The following HDAC4 variants were observed in gnomAD, a reference collection of about 807,000 sequenced individuals.
HDAC4 encodes the protein histone deacetylase A.
In HDAC4, 16 loss-of-function variants were observed where a neutral mutation model predicts 135.1. The ratio of observed to expected loss-of-function variants is 0.12; its 90% CI spans 0.08 to 0.18. The LOEUF is 0.18. HDAC4 is among the 10% of genes least tolerant of loss of function. The pLI, the probability that HDAC4 is intolerant of heterozygous loss-of-function variation, is 1.00. For missense variants in HDAC4, 1,143 were observed against 1,511.8 expected (o/e 0.76, Z 4.05); for synonymous variants, 685 against 653.4 (o/e 1.05, Z -0.74).
chr2:239,123,277 C>G (rs893065934), intron 12 of HDAC4, among the ~76,000 whole-genome samples: 1 of 152,230 alleles, frequency 6.6e-6, no homozygotes, highest in Non-Finnish European at 1.5e-5. Context: ...CTGGCAGGCG[C>G]CCGACACGCC....
intron 12 of HDAC4, among the ~76,000 whole-genome samples, chr2:239,117,082 G>A (rs1441110574): frequency 1.3e-5 from 2 of 152,224 alleles, no homozygotes; most frequent in African/African-American, 4.8e-5. Flanking sequence ...AAAGGATGGG[G>A]CAAATGCAAG....
At chr2:239,127,710 C>A (rs988696778) in intron 11 of HDAC4, among the ~76,000 whole-genome samples, 8 of 152,226 alleles carry the variant, frequency 5.3e-5, no homozygotes, top group African/African-American at 1.9e-4. Flanking sequence ...CTTTGGAACT[C>A]GGCATCCGCC....
At chr2:239,270,134 C>G (rs2049978007) in intron 2 of HDAC4, among the ~76,000 whole-genome samples, 1 of 152,232 alleles carries the variant, frequency 6.6e-6, no homozygotes, top group Non-Finnish European at 1.5e-5. Flanking sequence ...ACTCCCACGG[C>G]AGCAGGTAAG....
intron 7 of HDAC4, among the ~76,000 whole-genome samples, chr2:239,149,104 A>G (rs1392326866): frequency 6.6e-6 from 1 of 152,176 alleles, no homozygotes; most frequent in African/African-American, 2.4e-5. Context: ...TTCGGTGAAA[A>G]TAAAAAGATA....
intron 15 of HDAC4, 43 bp from the exon 16 acceptor site, chr2:239,102,939 C>T: frequency 1.2e-6 from 2 of 1,612,984 alleles, no homozygotes; most frequent in Non-Finnish European, 1.7e-6. Context: ...TCTGCAGAAG[C>T]TGCTGCTTCA....
chr2:239,374,853 T>C (rs1452205403), intron 1 of HDAC4, among the ~76,000 whole-genome samples: 3 of 152,072 alleles, frequency 2.0e-5, no homozygotes, highest in Non-Finnish European at 4.4e-5. Flanking sequence ...TGGCCACAGG[T>C]CCTGTCAGCT....
At chr2:239,155,629 A>G (rs905420297) in intron 7 of HDAC4, 2 of 152,496 alleles carry the variant, frequency 1.3e-5, no homozygotes, top group Non-Finnish European at 2.9e-5. Flanking sequence ...GCAGCCCCTC[A>G]CAAAGCCTCA....
At chr2:239,083,103 T>TC (rs1176792648) in intron 20 of HDAC4, among the ~76,000 whole-genome samples, 1 of 152,236 alleles carries the variant, frequency 6.6e-6, no homozygotes, top group Non-Finnish European at 1.5e-5. Context: ...ATGGAGGCTT[T>TC]CCCGACATGT....
intron 7 of HDAC4, among the ~76,000 whole-genome samples, chr2:239,151,453 AATGG>A (rs776611631): frequency 3.9e-5 from 6 of 152,146 alleles, no homozygotes; most frequent in Non-Finnish European, 7.3e-5. Flanking sequence ...ACATCTAAGC[AATGG>A]ATGGATGTTT....
intron 6 of HDAC4, among the ~76,000 whole-genome samples, chr2:239,160,852 G>C (rs912989388): frequency 2.0e-5 from 3 of 152,260 alleles, no homozygotes; most frequent in Admixed American, 2.0e-4. Flanking sequence ...CACAGGGTTG[G>C]TGGGTATTTG....
rs1337727901 is a variant in HDAC4, at chr2:239,262,987, A to T, written c.23-26323T>A. Among the ~76,000 whole-genome samples, 1 of 152,102 alleles carries T rather than the reference A, an allele frequency of 6.6e-6. No individual in the cohort carries two copies. The highest frequency in any genetic ancestry group is 1.5e-5 in the Non-Finnish European group (1 of 68,012). On this transcript the variant is annotated intron_variant, in intron 2 of 26. Coordinates refer to ENST00000543185, the MANE Select transcript of HDAC4 (RefSeq NM_001378414.1). This position sits in a 1 kb window ranked among gnomAD's most constrained non-coding sequence, Gnocchi z 4.1. ...TGAAGCCCCCGGGAAGCCAAGCCCC[A>T]GGAAGGGCCCATTATGCCGATGAAG...
chr2:239,267,130 C>T (rs1164921042), intron 2 of HDAC4, among the ~76,000 whole-genome samples: 1 of 152,200 alleles, frequency 6.6e-6, no homozygotes, highest in Non-Finnish European at 1.5e-5. Flanking sequence ...TCCTGTGGCA[C>T]TGGACACATT....
chr2:239,378,706 C>A (rs557519160), intron 1 of HDAC4, among the ~76,000 whole-genome samples: 6 of 151,946 alleles, frequency 3.9e-5, no homozygotes, highest in African/African-American at 1.2e-4. Context: ...GAACCAATAA[C>A]CCCGGGAACC....
At position 239,159,213 on chromosome 2, in the gene HDAC4, C is replaced by T. The variant is rs117839279; in HGVS notation, c.612-2440G>A. The stretch of plus-strand genomic sequence containing the variant: ...CTACTCCCACCCACACCTCACATTA[C>T]TCACACCCACATCTCACTTTTCACA... On this transcript the variant is annotated intron_variant, in intron 6 of 26. Transcript: ENST00000543185. Among the ~76,000 whole-genome samples the T allele has an allele frequency of 2.8e-4, 42 of 151,344 alleles. 1 individual carries two copies. In the East Asian group the frequency reaches 7.6e-3, roughly 27 times the overall value.
intron 15 of HDAC4, among the ~76,000 whole-genome samples, chr2:239,105,200 C>A (rs1559435945): frequency 6.6e-6 from 1 of 152,220 alleles, no homozygotes; most frequent in Non-Finnish European, 1.5e-5. Context: ...CTCCTTACAG[C>A]AAACACAGGC....
intron 24 of HDAC4, among the ~76,000 whole-genome samples, chr2:239,064,502 G>C (rs529060627): frequency 1.8e-4 from 28 of 152,320 alleles, no homozygotes; most frequent in African/African-American, 6.7e-4. Flanking sequence ...AACAGAAGGG[G>C]AGGGAGGAAG....
chr2:239,218,711 C>T (rs937274790), intron 3 of HDAC4, among the ~76,000 whole-genome samples: 1 of 139,892 alleles, frequency 7.1e-6, no homozygotes, highest in Admixed American at 7.1e-5. Context: ...ATTTTCGCAA[C>T]CTACTCATCT....
intron 22 of HDAC4, among the ~76,000 whole-genome samples, chr2:239,072,079 G>C (rs1438949988): frequency 2.6e-5 from 4 of 152,144 alleles, no homozygotes; most frequent in Admixed American, 2.6e-4. Context: ...TTTTCATAAA[G>C]TATCAATGAT....
chr2:239,362,548 C>G (rs1265231143), intron 1 of HDAC4, among the ~76,000 whole-genome samples: 1 of 152,202 alleles, frequency 6.6e-6, no homozygotes, highest in African/African-American at 2.4e-5. Flanking sequence ...ACACCCTCCC[C>G]ACCCCATTTC....
Sources: allele counts gnomAD v4.1 joint callset (sites outside exome capture counted in the v4.1 genomes callset), GRCh38; gene constraint gnomAD v4.1.1; non-coding constraint Gnocchi (gnomAD v3.1); transcripts MANE v1.5; gene names NCBI Gene and HGNC (gene_info 2026-07-23, HGNC 2026-07-21).